CIMAP1C: variants seen among roughly 807,000 people sequenced by gnomAD.
CIMAP1C encodes outer dense fiber of sperm tails 3 like 1.
the CIMAP1C span, chr15:75,727,141 G>A: frequency 6.8e-5 from 109 of 1,613,950 alleles, no homozygotes; most frequent in African/African-American, 1.9e-4. Flanking sequence ...CCCAGTACAC[G>A]TTTGGCTACC....
the CIMAP1C span, chr15:75,726,225 G>A: frequency 2.6e-6 from 3 of 1,173,672 alleles, no homozygotes; most frequent in Admixed American, 5.8e-5. Context: ...GGGGTGGGGT[G>A]CACCCTTAGG....
the CIMAP1C span, chr15:75,726,219 T>TG: frequency 9.9e-5 from 65 of 653,538 alleles, no homozygotes; most frequent in Non-Finnish European, 1.3e-4. Flanking sequence ...GGTTGGGGGG[T>TG]GGGGTGCACC....
the CIMAP1C span, chr15:75,726,182 G>T: frequency 7.5e-5 from 84 of 1,119,010 alleles, no homozygotes; most frequent in Middle Eastern, 2.1e-4. Flanking sequence ...GTAAGATGGG[G>T]TTATGGACAG....
the CIMAP1C span, chr15:75,727,031 G>A: frequency 1.3e-6 from 2 of 1,596,652 alleles, no homozygotes; most frequent in Non-Finnish European, 1.7e-6. Context: ...TGCTCTGAGA[G>A]CCCTCCCTTC....
At chr15:75,724,804 G>T in the CIMAP1C span, among the ~76,000 whole-genome samples, 1 of 152,202 alleles carries the variant, frequency 6.6e-6, no homozygotes, top group East Asian at 1.9e-4. Flanking sequence ...TTACAGCATT[G>T]TTCAGAGGCT....
At chr15:75,727,085 C>T in the CIMAP1C span, 2 of 1,613,722 alleles carry the variant, frequency 1.2e-6, no homozygotes, top group Non-Finnish European at 8.5e-7. Context: ...CGCATCCTGC[C>T]AGTACTACTT....
chr15:75,725,968 G>C, the CIMAP1C span: 1 of 756,322 alleles, frequency 1.3e-6, no homozygotes. Flanking sequence ...AGAATCTGAA[G>C]TGGGAGGGAG....
chr15:75,726,182 GT>G, the CIMAP1C span: 1 of 1,119,340 alleles, frequency 8.9e-7, no homozygotes, highest in Non-Finnish European at 1.3e-6. Context: ...GTAAGATGGG[GT>G]TATGGACAGA....
At chr15:75,727,350 A>G in the CIMAP1C span, 2 of 1,614,100 alleles carry the variant, frequency 1.2e-6, no homozygotes, top group Non-Finnish European at 1.7e-6. Context: ...CCATCCATCT[A>G]TCAGAACCGC....
the CIMAP1C span, among the ~76,000 whole-genome samples, chr15:75,725,443 G>A: frequency 6.6e-6 from 1 of 152,238 alleles, no homozygotes; most frequent in Non-Finnish European, 1.5e-5. Context: ...CTGTCCAGCT[G>A]GCACAGCAGA....
the CIMAP1C span, chr15:75,726,201 G>A: frequency 7.1e-7 from 1 of 1,399,434 alleles, no homozygotes; most frequent in Non-Finnish European, 1.0e-6. Flanking sequence ...AGATGTTGGG[G>A]GTTGGGAGGT....
chr15:75,726,172 G>GT, the CIMAP1C span: 9 of 1,251,390 alleles, frequency 7.2e-6, no homozygotes, highest in African/African-American at 1.0e-4. Flanking sequence ...TCCAACCTGC[G>GT]TAAGATGGGG....
the CIMAP1C span, chr15:75,727,312 T>C: frequency 6.2e-7 from 1 of 1,614,144 alleles, no homozygotes; most frequent in Non-Finnish European, 8.5e-7. Flanking sequence ...CAGGAGGCCC[T>C]GGACCTACCA....
the CIMAP1C span, chr15:75,725,243 C>G: frequency 6.7e-7 from 1 of 1,490,408 alleles, no homozygotes. Flanking sequence ...CCCAGTCATC[C>G]GGCTGGGGTT....
the CIMAP1C span, chr15:75,726,017 C>T: frequency 7.1e-7 from 1 of 1,405,634 alleles, no homozygotes; most frequent in Non-Finnish European, 1.0e-6. Flanking sequence ...AGTGGGGCAG[C>T]CTTTGGGGCT....
the CIMAP1C span, chr15:75,727,610 G>T: frequency 2.0e-6 from 3 of 1,470,668 alleles, no homozygotes; most frequent in South Asian, 4.0e-5. Flanking sequence ...TGAGCAATTT[G>T]ACCAAGATTT....
At chr15:75,725,669 C>T in the CIMAP1C span, among the ~76,000 whole-genome samples, 4 of 152,202 alleles carry the variant, frequency 2.6e-5, no homozygotes, top group Middle Eastern at 3.4e-3. Flanking sequence ...GGCGTGCACC[C>T]GGGGGTCTGA....
At chr15:75,727,455 T>C in the CIMAP1C span, 1 of 1,613,938 alleles carries the variant, frequency 6.2e-7, no homozygotes, top group Non-Finnish European at 8.5e-7. Context: ...CAGGTCACTG[T>C]GCACAAGCCC....
At chr15:75,727,635 G>A in the CIMAP1C span, 49 of 1,222,886 alleles carry the variant, frequency 4.0e-5, no homozygotes, top group South Asian at 3.0e-4. Flanking sequence ...TAGCAGAGCC[G>A]GTACCTGCTG....
Sources: allele counts gnomAD v4.1 joint callset (sites outside exome capture counted in the v4.1 genomes callset), GRCh38; gene constraint gnomAD v4.1.1; transcripts MANE v1.5; gene names NCBI Gene and HGNC (gene_info 2026-07-23, HGNC 2026-07-21).